P2RY6: variants seen among roughly 807,000 people sequenced by gnomAD.
The protein encoded by P2RY6 is pyrimidinergic receptor P2Y6.
P2RY6 carries 19 observed loss-of-function variants against 16.3 expected under a neutral mutation model. That is an observed-to-expected ratio of 1.16 (90% CI 0.81 to 1.71). The LOEUF (loss-of-function observed/expected upper bound fraction) is 1.71. Ranked by LOEUF, P2RY6 falls within the 40% of genes most tolerant of loss-of-function variation. The probability of loss-of-function intolerance (pLI) is 0.00; values close to 1 mark genes in which losing one functional copy is unlikely to be tolerated. For missense variants in P2RY6, 389 were observed against 455.5 expected, an observed-to-expected ratio of 0.85 and a Z score of 1.33; for synonymous variants, 184 against 201.5, an observed-to-expected ratio of 0.91 and a Z score of 0.74.
intron 1 of P2RY6, among the ~76,000 whole-genome samples, chr11:73,289,716 A>C (rs1477713476): frequency 2.0e-5 from 3 of 152,206 alleles, no homozygotes; most frequent in African/African-American, 7.2e-5. Context: ...TGATCTGAGC[A>C]TCCAAGCTCC....
At chr11:73,295,122 A>T (rs981699490) in intron 1 of P2RY6, among the ~76,000 whole-genome samples, 1 of 152,200 alleles carries the variant, frequency 6.6e-6, no homozygotes, top group Non-Finnish European at 1.5e-5. Context: ...TTTTCTCTAG[A>T]CACCAGTAAT....
At chr11:73,285,221 C>G (rs540462003) in intron 1 of P2RY6, among the ~76,000 whole-genome samples, 2 of 152,348 alleles carry the variant, frequency 1.3e-5, no homozygotes, top group Admixed American at 1.3e-4. Context: ...CAGGCACACG[C>G]CAACACATCC....
chr11:73,266,995 C>A (rs1365719575), intron 1 of P2RY6, among the ~76,000 whole-genome samples: 1 of 152,166 alleles, frequency 6.6e-6, no homozygotes, highest in African/African-American at 2.4e-5. Context: ...CACTTCTGGC[C>A]CTGATTTCCT....
intron 1 of P2RY6, chr11:73,292,910 G>C: frequency 1.0e-6 from 1 of 984,282 alleles, no homozygotes. Context: ...TGCAGGGACA[G>C]GAGGCTGCCT....
At chr11:73,274,688 G>A (rs1450864905) in intron 1 of P2RY6, among the ~76,000 whole-genome samples, 1 of 152,224 alleles carries the variant, frequency 6.6e-6, no homozygotes, top group Non-Finnish European at 1.5e-5. Flanking sequence ...ACTATAATTT[G>A]TCAGTGTCCA....
In P2RY6 at chr11:73,275,920, A is replaced by G. The variant is rs574943312; in HGVS notation, c.-121+3454A>G. ...AGCAACACCAAGAGCGGTTAATACT[A>G]TAACTCACATAGAATAAGTGGGGAA... is the stretch of plus-strand genomic sequence containing the variant. On this transcript the variant is annotated intron_variant, in intron 1 of 2. Coordinates refer to ENST00000540124, the MANE Select transcript of P2RY6 (RefSeq NM_001277204.2). Among the ~76,000 whole-genome samples the G allele has an allele frequency of 1.2e-4, 18 of 152,298 alleles. 1 individual carries two copies. The highest frequency in any genetic ancestry group is 8.3e-4 in the South Asian group (4 of 4,824).
chr11:73,272,399 C>A lies in P2RY6; in HGVS notation c.-188C>A. On this transcript the variant is annotated 5_prime_UTR_variant, in exon 1 of 3. It adds an upstream start codon to the 5' untranslated region. Transcript: ENST00000540124. ...GCACAGAACTGACTGGCAGCAGGGG[C>A]TGCTCCACGAGTGGGAATTTGCTCC... is the stretch of plus-strand genomic sequence containing the variant. 2 of 985,494 alleles carry A rather than the reference C, an allele frequency of 2.0e-6. No homozygotes were observed. Among genetic ancestry groups the A allele is most frequent in the Non-Finnish European group, 2.4e-6 (2 of 829,954 alleles). 61.0% of individuals were successfully genotyped at this position (985,494 alleles called of 1,614,324 possible).
At chr11:73,277,832 C>G (rs1413701864) in intron 1 of P2RY6, among the ~76,000 whole-genome samples, 1 of 152,190 alleles carries the variant, frequency 6.6e-6, no homozygotes, top group Non-Finnish European at 1.5e-5. Context: ...CTTTATCTTC[C>G]AAGGCTGTCT....
chr11:73,281,837 G>T (rs1286396412), intron 1 of P2RY6, among the ~76,000 whole-genome samples: 1 of 152,164 alleles, frequency 6.6e-6, no homozygotes, highest in African/African-American at 2.4e-5. Context: ...AAGCTCTAAG[G>T]GCTCCCCTCC....
chr11:73,295,471 A>C (rs1316076364), intron 1 of P2RY6, among the ~76,000 whole-genome samples: 1 of 152,138 alleles, frequency 6.6e-6, no homozygotes, highest in African/African-American at 2.4e-5. Flanking sequence ...TGGATTGGGC[A>C]GTTGGGTTCT....
At position 73,296,495 on chromosome 11, in the gene P2RY6, C is replaced by T. The variant is rs767060569; in HGVS notation, c.-24C>T. ...GTATTGCTTTCCCAGCCTCCCTGAA[C>T]ATAGGAAACCCACCTGGGCAGCCAT... On this transcript the variant is annotated 5_prime_UTR_variant, in exon 3 of 3. Coordinates refer to ENST00000540124, the MANE Select transcript of P2RY6 (RefSeq NM_001277204.2). The T allele has an allele frequency of 3.1e-6, 5 of 1,607,530 alleles. No homozygotes were observed. The South Asian group carries it at 5.5e-5, about 18-fold the overall frequency.
chr11:73,285,563 A>G (rs1358501282), intron 1 of P2RY6, among the ~76,000 whole-genome samples: 1 of 152,166 alleles, frequency 6.6e-6, no homozygotes, highest in Non-Finnish European at 1.5e-5. Context: ...GAGGGTGAAG[A>G]TTTGGGGTTT....
chr11:73,295,353 C>G (rs1053791418), intron 1 of P2RY6, among the ~76,000 whole-genome samples: 3 of 152,226 alleles, frequency 2.0e-5, no homozygotes, highest in Non-Finnish European at 4.4e-5. Context: ...CTGCTTCACA[C>G]AGCATGGAAG....
rs1864374355 is a variant in P2RY6, at chr11:73,293,920, T to A, written c.-120-1810T>A. On this transcript the variant is annotated intron_variant, in intron 1 of 2. Coordinates refer to ENST00000540124, the MANE Select transcript of P2RY6 (RefSeq NM_001277204.2). Reference sequence around the variant, plus strand: ...GCAGCACCCCTCTAGCATGTTCTCCTCCTCACCACAACCCTCTTCCCTTGC... The same window carrying A: ...GCAGCACCCCTCTAGCATGTTCTCCACCTCACCACAACCCTCTTCCCTTGC... 1.3e-5 allele frequency among the ~76,000 whole-genome samples: 2 copies of A among 151,838 alleles called. 1 individual carries two copies. Among genetic ancestry groups the A allele is most frequent in the Admixed American group, 1.3e-4 (2 of 15,260 alleles).
intron 1 of P2RY6, among the ~76,000 whole-genome samples, chr11:73,291,201 C>T (rs370710520): frequency 1.1e-4 from 16 of 152,318 alleles, no homozygotes; most frequent in African/African-American, 3.6e-4. Flanking sequence ...CAGATCTGCA[C>T]GTCTGGGTGG....
At chr11:73,276,867 A>G (rs977784342) in intron 1 of P2RY6, among the ~76,000 whole-genome samples, 6 of 152,208 alleles carry the variant, frequency 3.9e-5, no homozygotes, top group Admixed American at 6.5e-5. Context: ...TGGTATGTGA[A>G]TTATGTCTTA....
At chr11:73,290,098 G>A (rs1189548402) in intron 1 of P2RY6, among the ~76,000 whole-genome samples, 1 of 151,962 alleles carries the variant, frequency 6.6e-6, no homozygotes, top group Non-Finnish European at 1.5e-5. Flanking sequence ...GCACATGCCT[G>A]TACATCCCAG....
At chr11:73,284,520 G>A (rs935155117) in intron 1 of P2RY6, among the ~76,000 whole-genome samples, 1 of 152,172 alleles carries the variant, frequency 6.6e-6, no homozygotes, top group East Asian at 1.9e-4. Flanking sequence ...CGTCTCAGCT[G>A]GGACTGTTCA....
chr11:73,295,863 T>G, intron 2 of P2RY6, 48 bp downstream of exon 2: 44 of 747,184 alleles, frequency 5.9e-5, no homozygotes, highest in Non-Finnish European at 6.5e-5. Context: ...CAGGGCCCTT[T>G]TCCGCCCCAG....
Sources: gnomAD v4.1 joint callset for allele counts (sites outside exome capture counted in the v4.1 genomes callset) on GRCh38, gnomAD v4.1.1 for gene constraint, MANE v1.5 for transcripts, NCBI Gene and HGNC (gene_info 2026-07-23, HGNC 2026-07-21) for gene names.